The following ZNF569 variants were observed in gnomAD, a reference collection of about 807,000 sequenced individuals.
The protein encoded by ZNF569 is zinc finger protein 569.
Under a neutral mutation model 56.3 loss-of-function variants are expected in ZNF569, and 38 were observed. The ratio of observed to expected loss-of-function variants is 0.68; its 90% CI spans 0.52 to 0.88. The LOEUF (loss-of-function observed/expected upper bound fraction) is 0.88. Among genes scored for constraint, ZNF569 ranks in the 40% least tolerant of loss-of-function variants. The pLI is 0.00. For missense variants in ZNF569, 666 were observed against 809.2 expected (o/e 0.82, Z 2.15); for synonymous variants, 241 against 262.9 (o/e 0.92, Z 0.81).
At position 37,413,083 on chromosome 19, in the gene ZNF569, A is replaced by T. The variant is rs2040865723; in HGVS notation, c.1575T>A (p.Asn525Lys). 6.2e-7 allele frequency: 1 copy of T among 1,613,784 alleles called. No individual in the cohort carries two copies. Among genetic ancestry groups the T allele is most frequent in the Non-Finnish European group, 8.5e-7 (1 of 1,179,896 alleles). Residue 525 changes from asparagine (N) to lysine (K), a missense_variant, in exon 6 of 6, where the codon AAT becomes AAA. Asn to Lys is a moderately conservative substitution (Grantham distance 94). Coordinates refer to ENST00000316950, the MANE Select transcript of ZNF569 (RefSeq NM_152484.3). ...VHTGEKPYDC[N>K]ECGKAFSQIA... Reference sequence around the variant, plus strand: ...TTTGAGAGAAGGCTTTACCACATTCATTACAATCATAAGGTTTCTCTCCAG... The same window carrying T: ...TTTGAGAGAAGGCTTTACCACATTCTTTACAATCATAAGGTTTCTCTCCAG...
At chr19:37,458,928 G>A (rs949303287) in intron 2 of ZNF569, among the ~76,000 whole-genome samples, 3 of 151,976 alleles carry the variant, frequency 2.0e-5, no homozygotes, top group African/African-American at 7.3e-5. Context: ...CACAGTAGAG[G>A]AAACAATCAG....
intron 3 of ZNF569, 44 bp downstream of exon 3, chr19:37,444,863 A>AT: frequency 6.7e-7 from 1 of 1,493,192 alleles, no homozygotes; most frequent in Non-Finnish European, 9.3e-7. Flanking sequence ...CTTAAATTGC[A>AT]TTGGAGAGTA....
chr19:37,448,260 T>C (rs1568740802), intron 2 of ZNF569, among the ~76,000 whole-genome samples: 1 of 152,212 alleles, frequency 6.6e-6, no homozygotes. Context: ...TTAATAGATA[T>C]ACAACTATTC....
chr19:37,447,009 A>G (rs2041509371), intron 2 of ZNF569, among the ~76,000 whole-genome samples: 1 of 152,212 alleles, frequency 6.6e-6, no homozygotes, highest in Admixed American at 6.5e-5. Context: ...AAAATACTCA[A>G]CATCACTAAT....
chr19:37,420,147 A>C, intron 5 of ZNF569, among the ~76,000 whole-genome samples: 1 of 151,212 alleles, frequency 6.6e-6, no homozygotes, highest in Admixed American at 6.6e-5. Flanking sequence ...CCACCACGCC[A>C]GGCTAATTTT....
intron 3 of ZNF569, chr19:37,427,903 A>G: frequency 2.3e-6 from 1 of 438,996 alleles, no homozygotes; most frequent in Non-Finnish European, 4.6e-6. Flanking sequence ...TTCACCAATT[A>G]CAGGGAAGAA....
rs144997947 is a variant in ZNF569, at chr19:37,425,564, G to A, written c.238+304C>T. ...TTGTGATCTCCTGACCTCATGATCC[G>A]CCCACCTCGGCCTCCTAAAGTGCAG... On this transcript the variant is annotated intron_variant, in intron 5 of 5. Transcript: ENST00000316950. The A allele has an allele frequency of 5.2e-3, 902 of 173,358 alleles. 2 individuals are homozygous for A. The highest frequency in any genetic ancestry group is 8.7e-3 in the Admixed American group (146 of 16,718). 10.7% of individuals were successfully genotyped at this position (173,358 alleles called of 1,614,324 possible).
In ZNF569 at chr19:37,439,071, GT is replaced by G. The variant is rs371957689; in HGVS notation, c.15+5835del. On this transcript the variant is annotated intron_variant, in intron 3 of 5. Coordinates refer to ENST00000316950, the MANE Select transcript of ZNF569 (RefSeq NM_152484.3). Reference sequence around the variant, plus strand: ...ATATCATCTCACCCCAATTAAAATGGTTTTTTTTGTTTGTTTGTGATGGAGT... The same window carrying G: ...ATATCATCTCACCCCAATTAAAATGGTTTTTTTGTTTGTTTGTGATGGAGT... Among the ~76,000 whole-genome samples the G allele has an allele frequency of 4.5e-3, 689 of 151,724 alleles. 4 individuals are homozygous for G. The highest frequency in any genetic ancestry group is 0.024 in the Middle Eastern group (7 of 294).
chr19:37,414,017 T>C lies in ZNF569; in HGVS notation c.641A>G (p.Tyr214Cys), dbSNP rs374062239. 6 of 1,613,468 alleles carry C rather than the reference T, an allele frequency of 3.7e-6. No individual in the cohort carries two copies. Among genetic ancestry groups the C allele is most frequent in the Non-Finnish European group, 5.1e-6 (6 of 1,179,866 alleles). The change falls in exon 6 of 6, where the codon TAT (tyrosine) becomes TGT (cysteine). Residue 214 changes from tyrosine (Y) to cysteine (C), a missense_variant. By Grantham distance (194) the Tyr-to-Cys change is radical (BLOSUM62 -2). Coordinates refer to ENST00000316950, the MANE Select transcript of ZNF569 (RefSeq NM_152484.3). ...GGCTTTTCTACAGTTACTACATTCA[T>C]AGGGCTTCTCTCCAGTATGAATTCT... ...HLRIHTGEKP[Y>C]ECSNCRKAFS...
chr19:37,437,983 A>T (rs549467312), intron 3 of ZNF569, among the ~76,000 whole-genome samples: 1 of 120,966 alleles, frequency 8.3e-6, no homozygotes, highest in East Asian at 2.3e-4. Flanking sequence ...TAAAATTTAT[A>T]TGCAACCACA....
rs1400859882 is a variant in ZNF569 at position 37,413,301 on chromosome 19, G to T, written c.1357C>A (p.Leu453Ile). Residue 453 changes from leucine to isoleucine, a missense_variant, in exon 6 of 6, where the codon CTT (leucine) becomes ATT (isoleucine). Transcript: ENST00000316950. Reference sequence around the variant, plus strand: ...GTATGAATTCTCTGGTGTCTAACAAGATTTGACATCTGTATAAAAGCTTTC... The same window carrying T: ...GTATGAATTCTCTGGTGTCTAACAATATTTGACATCTGTATAAAAGCTTTC... ...CGKAFIQMSN[L>I]VRHQRIHTGE... 1 of 1,609,526 alleles carries T rather than the reference G, an allele frequency of 6.2e-7. No individual in the cohort carries two copies. The highest frequency in any genetic ancestry group is 8.5e-7 in the Non-Finnish European group (1 of 1,178,630).
chr19:37,432,988 C>T (rs1215341261), intron 3 of ZNF569, among the ~76,000 whole-genome samples: 2 of 149,410 alleles, frequency 1.3e-5, no homozygotes, highest in Non-Finnish European at 3.0e-5. Flanking sequence ...ACTGCAGCCT[C>T]GACCTGCCAG....
chr19:37,454,780 T>G, intron 2 of ZNF569: 1 of 697,196 alleles, frequency 1.4e-6, no homozygotes, highest in Non-Finnish European at 2.6e-6. Flanking sequence ...TTTCATTAGC[T>G]GACATTCACA....
At chr19:37,462,363 A>C (rs2041769525) in intron 2 of ZNF569, among the ~76,000 whole-genome samples, 3 of 151,828 alleles carry the variant, frequency 2.0e-5, no homozygotes. Context: ...CAGTATATAA[A>C]CAGAATGTGT....
intron 5 of ZNF569, among the ~76,000 whole-genome samples, chr19:37,418,475 T>C (rs1348802842): frequency 1.3e-5 from 2 of 152,070 alleles, no homozygotes; most frequent in Non-Finnish European, 2.9e-5. Context: ...CAATGGATGA[T>C]AGATGTAAAC....
chr19:37,468,946 G>T, upstream of ZNF569: 1 of 691,944 alleles, frequency 1.4e-6, no homozygotes, highest in Non-Finnish European at 1.8e-6. Context: ...CCCATTTTGA[G>T]TAGACGCGCC....
rs193185630 is a variant in ZNF569 at position 37,460,067 on chromosome 19, T to A, written c.-44+5246A>T. 7.9e-4 allele frequency among the ~76,000 whole-genome samples: 121 copies of A among 152,222 alleles called. 1 individual carries two copies. Among genetic ancestry groups the A allele is most frequent in the Non-Finnish European group, 1.5e-4 (10 of 68,018 alleles). ...GAAACAAAACAAAGAAATAAAAAAA[T>A]TTTCTATTTGCATACGAAGCAAATG... On this transcript the variant is annotated intron_variant, in intron 2 of 5. Transcript: ENST00000316950.
In ZNF569 at chr19:37,425,982, A is replaced by G. The variant is rs2041125053; in HGVS notation, c.143-19T>C. ...GGATAGCCTGTCAAAGGGAAGTTACATAGATTTGGGCATACATACTAGGAA... is the reference window on the plus strand; with the variant it reads ...GGATAGCCTGTCAAAGGGAAGTTACGTAGATTTGGGCATACATACTAGGAA... On this transcript the variant is annotated intron_variant, in intron 4 of 5. Coordinates refer to ENST00000316950, the MANE Select transcript of ZNF569 (RefSeq NM_152484.3). 1.2e-6 allele frequency: 2 copies of G among 1,612,730 alleles called. No homozygotes were observed.
intron 3 of ZNF569, 107 bp from the exon 4 acceptor site, chr19:37,426,485 CCAT>C: frequency 8.1e-7 from 1 of 1,232,414 alleles, no homozygotes; most frequent in Middle Eastern, 2.1e-4. Context: ...TTAAAAAAGC[CCAT>C]CATATTAGCA....
Sources: allele counts gnomAD v4.1 joint callset (sites outside exome capture counted in the v4.1 genomes callset), GRCh38; gene constraint gnomAD v4.1.1; transcripts MANE v1.5; gene names NCBI Gene and HGNC (gene_info 2026-07-23, HGNC 2026-07-21).